Variants in RORA observed in about 807,000 individuals in gnomAD.
RORA encodes the protein RAR related orphan receptor A, also known as nuclear receptor ROR-alpha.
A neutral mutation model predicts 69.5 loss-of-function variants in RORA; 7 were observed. The observed-to-expected ratio is 0.10, with a 90% confidence interval of 0.06 to 0.19. The LOEUF (loss-of-function observed/expected upper bound fraction) is 0.19. Ranked by LOEUF, RORA falls within the 10% of genes least tolerant of loss-of-function variation. RORA has a pLI of 1.00. For synonymous variants in RORA, 261 were observed against 240.8 expected, an observed-to-expected ratio of 1.08 and a Z score of -0.78; for missense variants, 457 against 663.0, an observed-to-expected ratio of 0.69 and a Z score of 3.41.
intron 1 of RORA, among the ~76,000 whole-genome samples, chr15:61,121,664 A>G (rs1428236726): frequency 1.3e-5 from 2 of 152,134 alleles, no homozygotes; most frequent in African/African-American, 4.8e-5. Flanking sequence ...GCTGCCTGCA[A>G]TCCAGACTTC....
chr15:60,773,604 A>C lies in RORA; in HGVS notation c.167-94918T>G, dbSNP rs764201806. On this transcript the variant is annotated intron_variant, in intron 1 of 10. Transcript: ENST00000335670. ...TATTAAGTCTGGCTACAAAAGAGAG[A>C]ATTGAAAGCAAGAGAACTCTCCATG... Among the ~76,000 whole-genome samples, 35 of 152,328 alleles carry C rather than the reference A, an allele frequency of 2.3e-4. 1 individual carries two copies. Among genetic ancestry groups the C allele is most frequent in the Non-Finnish European group, 4.3e-4 (29 of 68,032 alleles).
At chr15:61,154,355 C>A (rs530024200) in intron 1 of RORA, among the ~76,000 whole-genome samples, 5 of 152,198 alleles carry the variant, frequency 3.3e-5, no homozygotes, top group African/African-American at 1.2e-4. Flanking sequence ...GCTGGTAGAC[C>A]AAGCAGTTCA....
chr15:60,863,470 T>C (rs921015056), intron 1 of RORA, among the ~76,000 whole-genome samples: 1 of 152,246 alleles, frequency 6.6e-6, no homozygotes, highest in Admixed American at 6.5e-5. Context: ...TTGTGTTATA[T>C]AGAATGAACA....
chr15:60,875,815 C>A (rs537629727), intron 1 of RORA, among the ~76,000 whole-genome samples: 1 of 152,260 alleles, frequency 6.6e-6, no homozygotes, highest in Middle Eastern at 3.4e-3. Flanking sequence ...ATGAATGAAG[C>A]CAGGCCTTCA....
rs775960162 is a variant in RORA, at chr15:61,184,986, CAAAA to C, written c.166+44063_166+44066del. Among the ~76,000 whole-genome samples the C allele has an allele frequency of 7.6e-3, 455 of 59,668 alleles. 5 individuals are homozygous for C. Among genetic ancestry groups the C allele is most frequent in the African/African-American group, 0.027 (438 of 16,472 alleles). 39.1% of individuals were successfully genotyped at this position (59,668 alleles called of 152,430 possible). A position where few individuals can be genotyped will look rare whatever the true frequency, so the allele number is the denominator to read the frequency against. On this transcript the variant is annotated intron_variant, in intron 1 of 10. Transcript: ENST00000335670. The stretch of plus-strand genomic sequence containing the variant: ...GGCAAAGGAGCGAGACCCTGTCTCT[CAAAA>C]AAAAAAAAAAAAAAGAAGAAGAAGA...
chr15:61,133,398 T>A (rs1270176635), intron 1 of RORA, among the ~76,000 whole-genome samples: 1 of 152,168 alleles, frequency 6.6e-6, no homozygotes, highest in Non-Finnish European at 1.5e-5. Context: ...ACATTTACCC[T>A]TTCCGCAAGG....
intron 2 of RORA, among the ~76,000 whole-genome samples, chr15:60,645,898 A>G (rs1478687326): frequency 6.6e-6 from 1 of 152,018 alleles, no homozygotes; most frequent in Non-Finnish European, 1.5e-5. Context: ...ACAGACGCAT[A>G]TACACACTTC....
At chr15:60,962,100 G>A (rs1439581464) in intron 1 of RORA, among the ~76,000 whole-genome samples, 1 of 152,164 alleles carries the variant, frequency 6.6e-6, no homozygotes, top group Non-Finnish European at 1.5e-5. Flanking sequence ...TTTGAATTCC[G>A]AGTATCTTTG....
At chr15:60,924,252 A>AG (rs1286824940) in intron 1 of RORA, among the ~76,000 whole-genome samples, 3 of 151,534 alleles carry the variant, frequency 2.0e-5, no homozygotes, top group African/African-American at 7.3e-5. Context: ...AACGGAAGGA[A>AG]GGGGTTGAGT....
chr15:60,896,319 C>G (rs4775313), intron 1 of RORA, among the ~76,000 whole-genome samples: 54,867 of 152,136 alleles, frequency 0.36, 11,031 homozygotes, highest in Non-Finnish European at 0.45. Flanking sequence ...TGGTACCAAT[C>G]AATGGAAAGC....
intron 1 of RORA, among the ~76,000 whole-genome samples, chr15:61,089,457 T>A (rs574310982): frequency 1.3e-5 from 2 of 152,094 alleles, no homozygotes; most frequent in African/African-American, 4.8e-5. Flanking sequence ...CAAACATGCA[T>A]ATATATACAC....
Position 61,037,782 on chromosome 15 carries a change from T to C in RORA, c.166+191271A>G, listed in dbSNP as rs1225693900. ...CAAGTAATTGTAAGGCAAGGTGGCC[T>C]GAGATGAATGCTATAATAGAAGATG... On this transcript the variant is annotated intron_variant, in intron 1 of 10. Transcript: ENST00000335670. Among the ~76,000 whole-genome samples the C allele has an allele frequency of 2.0e-5, 3 of 152,286 alleles. No individual in the cohort carries two copies. In the East Asian group the frequency reaches 5.8e-4, roughly 29 times the overall value.
chr15:61,136,097 G>A (rs762145183), intron 1 of RORA, among the ~76,000 whole-genome samples: 6 of 152,014 alleles, frequency 3.9e-5, no homozygotes, highest in African/African-American at 7.3e-5. Context: ...TTAGTGTGCC[G>A]CTTCCAGATT....
intron 1 of RORA, among the ~76,000 whole-genome samples, chr15:60,887,974 A>G (rs139754047): frequency 1.3e-5 from 2 of 152,276 alleles, no homozygotes; most frequent in African/African-American, 4.8e-5. Flanking sequence ...AAAATCTAAA[A>G]ATTAGCCCGA....
chr15:60,532,087 C>T (rs1396850614), intron 2 of RORA, among the ~76,000 whole-genome samples: 1 of 152,098 alleles, frequency 6.6e-6, no homozygotes, highest in Non-Finnish European at 1.5e-5. Flanking sequence ...TGTTTAAGAA[C>T]CCACAAGAAG....
At chr15:60,855,120 T>A (rs1439354424) in intron 1 of RORA, among the ~76,000 whole-genome samples, 2 of 152,204 alleles carry the variant, frequency 1.3e-5, no homozygotes, top group Non-Finnish European at 2.9e-5. Context: ...ACTGTTTGCT[T>A]TATTAGCCCG....
rs114898443 is a variant in RORA at position 60,991,513 on chromosome 15, A to C, written c.166+237540T>G. ...CTTTAAGAGTGTTTGTGTCTTAATA[A>C]CAATAATTCTAAGAGTTTTTGTTAA... On this transcript the variant is annotated intron_variant, in intron 1 of 10. Transcript: ENST00000335670. 7.4e-4 allele frequency among the ~76,000 whole-genome samples: 113 copies of C among 152,286 alleles called. 1 individual carries two copies. Among genetic ancestry groups the C allele is most frequent in the African/African-American group, 2.6e-3 (110 of 41,556 alleles).
At chr15:61,125,283 T>TTA (rs1427451490) in intron 1 of RORA, among the ~76,000 whole-genome samples, 1 of 152,226 alleles carries the variant, frequency 6.6e-6, no homozygotes, top group Non-Finnish European at 1.5e-5. Context: ...CTACACATGT[T>TTA]TATGGAATCT....
At chr15:60,714,367 T>C (rs1042628943) in intron 1 of RORA, among the ~76,000 whole-genome samples, 3 of 133,608 alleles carry the variant, frequency 2.2e-5, no homozygotes, top group East Asian at 2.3e-4. Context: ...CCAATTCTTT[T>C]TATTTATTTA....
Sources: allele counts gnomAD v4.1 joint callset (sites outside exome capture counted in the v4.1 genomes callset), GRCh38; gene constraint gnomAD v4.1.1; transcripts MANE v1.5; gene names NCBI Gene and HGNC (gene_info 2026-07-23, HGNC 2026-07-21).